The following RHBDD1 variants were observed in gnomAD, a reference collection of about 807,000 sequenced individuals.
RHBDD1 encodes the protein rhomboid domain containing 1.
A neutral mutation model predicts 36.3 loss-of-function variants in RHBDD1; 38 were observed. The observed-to-expected ratio is 1.05, with a 90% CI of 0.81 to 1.37. The LOEUF is 1.37. Among genes scored for constraint, RHBDD1 ranks in the 40% most tolerant of loss-of-function variants. The probability of loss-of-function intolerance (pLI) is 0.00; values close to 1 mark genes in which losing one functional copy is unlikely to be tolerated. For missense variants in RHBDD1, 393 were observed against 377.6 expected, an observed-to-expected ratio of 1.04 and a Z score of -0.34; for synonymous variants, 151 against 136.5, an observed-to-expected ratio of 1.11 and a Z score of -0.74.
intron 3 of RHBDD1, among the ~76,000 whole-genome samples, chr2:226,851,523 A>G (rs923299785): frequency 6.6e-6 from 1 of 151,972 alleles, no homozygotes; most frequent in Non-Finnish European, 1.5e-5. Flanking sequence ...TGGAAGCGTC[A>G]CCTCTCTGGG....
chr2:226,874,884 G>T (rs573388173), intron 5 of RHBDD1, among the ~76,000 whole-genome samples: 7 of 152,130 alleles, frequency 4.6e-5, no homozygotes, highest in African/African-American at 1.7e-4. Context: ...GTGCGTGTGC[G>T]CCTCTCTTCC....
chr2:226,894,172 T>C (rs1174216817), intron 5 of RHBDD1, among the ~76,000 whole-genome samples: 3 of 152,214 alleles, frequency 2.0e-5, no homozygotes, highest in East Asian at 1.9e-4. Context: ...GCATTCGTTA[T>C]TCCCATATTT....
At chr2:226,847,347 T>G (rs1331854844) in intron 3 of RHBDD1, among the ~76,000 whole-genome samples, 1 of 152,238 alleles carries the variant, frequency 6.6e-6, no homozygotes. Context: ...ATACCTTTCT[T>G]TCATCCACTT....
At chr2:226,912,683 G>A (rs1948603005) in intron 7 of RHBDD1, among the ~76,000 whole-genome samples, 1 of 152,074 alleles carries the variant, frequency 6.6e-6, no homozygotes, top group African/African-American at 2.4e-5. Context: ...GTAGATTAGT[G>A]CTTACTTAGA....
chr2:226,967,495 T>G (rs1019253531), intron 8 of RHBDD1, among the ~76,000 whole-genome samples: 11 of 151,888 alleles, frequency 7.2e-5, no homozygotes, highest in African/African-American at 2.7e-4. Flanking sequence ...TAACTCGTCA[T>G]TTAACATTAG....
At chr2:226,912,491 G>A (rs920647868) in intron 7 of RHBDD1, among the ~76,000 whole-genome samples, 1 of 152,072 alleles carries the variant, frequency 6.6e-6, no homozygotes, top group Non-Finnish European at 1.5e-5. Flanking sequence ...ACAAAATGTG[G>A]TATAAGCCAT....
At chr2:226,840,884 GT>G (rs954615541) in intron 3 of RHBDD1, among the ~76,000 whole-genome samples, 12 of 148,140 alleles carry the variant, frequency 8.1e-5, no homozygotes, top group African/African-American at 2.0e-4. Flanking sequence ...TATAATTTGG[GT>G]TTTTTTTTTC....
chr2:226,828,041 T>C, the RHBDD1 span, among the ~76,000 whole-genome samples: 1 of 152,212 alleles, frequency 6.6e-6, no homozygotes, highest in African/African-American at 2.4e-5. Context: ...GTTAATAAAT[T>C]TATAGGCAAC....
At chr2:226,863,214 C>T (rs1374147920) in intron 3 of RHBDD1, among the ~76,000 whole-genome samples, 1 of 152,160 alleles carries the variant, frequency 6.6e-6, no homozygotes, top group Non-Finnish European at 1.5e-5. Context: ...TGACACATGC[C>T]TGTAATCCCA....
Position 226,864,604 on chromosome 2 carries a change from G to A in RHBDD1, c.-90G>A, listed in dbSNP as rs1244822103. 4 of 1,023,542 alleles carry A rather than the reference G, an allele frequency of 3.9e-6. No homozygotes were observed. The highest frequency in any genetic ancestry group is 1.6e-5 in the African/African-American group (1 of 62,162). 63.4% of individuals were successfully genotyped at this position (1,023,542 alleles called of 1,614,324 possible). ...TTTTCACATGCATTTTGTGTTTTAGGTTCAGCCGTCTGTATATCTCCCCAG... is the reference window on the plus strand; with the variant it reads ...TTTTCACATGCATTTTGTGTTTTAGATTCAGCCGTCTGTATATCTCCCCAG... On this transcript the variant is annotated splice_region_variant and 5_prime_UTR_variant, in exon 4 of 9. Transcript: ENST00000392062.
chr2:226,901,188 A>T (rs1193384008), intron 5 of RHBDD1, among the ~76,000 whole-genome samples: 1 of 152,152 alleles, frequency 6.6e-6, no homozygotes, highest in African/African-American at 2.4e-5. Context: ...GTTGTCTTAA[A>T]TGGCAGGATT....
intron 3 of RHBDD1, among the ~76,000 whole-genome samples, chr2:226,841,228 G>GC (rs1941594535): frequency 6.6e-6 from 1 of 152,048 alleles, no homozygotes; most frequent in South Asian, 2.1e-4. Context: ...GACCTCCTGG[G>GC]CTCAGTTGAT....
chr2:226,864,858 T>C lies in RHBDD1; in HGVS notation c.165T>C (p.Ser55=), dbSNP rs199524639. 6.2e-7 allele frequency: 1 copy of C among 1,614,192 alleles called. No individual in the cohort carries two copies. Among genetic ancestry groups the C allele is most frequent in the Non-Finnish European group, 8.5e-7 (1 of 1,180,034 alleles). ...AGCCACTGTATAGCTCCTGCCTTAGTGTGGAGAAGTGTTACCAGCAAAAAG... is the reference window on the plus strand; with the variant it reads ...AGCCACTGTATAGCTCCTGCCTTAGCGTGGAGAAGTGTTACCAGCAAAAAG... ...PQKPLYSSCL[S]VEKCYQQKDW... is the part of the protein sequence containing the mutation. Residue 55 remains serine, a synonymous_variant, in exon 4 of 9, where the codon AGT becomes AGC. Coordinates refer to ENST00000392062, the MANE Select transcript of RHBDD1 (RefSeq NM_001167608.3).
At chr2:226,899,346 A>C (rs1035338363) in intron 5 of RHBDD1, among the ~76,000 whole-genome samples, 1 of 152,186 alleles carries the variant, frequency 6.6e-6, no homozygotes, top group Admixed American at 6.5e-5. Flanking sequence ...CATATAAATA[A>C]TGTATAGCAA....
chr2:226,908,581 C>CTA (rs1171689861), intron 6 of RHBDD1: 26 of 391,350 alleles, frequency 6.6e-5, no homozygotes, highest in Non-Finnish European at 7.1e-5. Flanking sequence ...TCATTTTCCA[C>CTA]TACACACACA....
chr2:226,896,253 T>C (rs1305318529), intron 5 of RHBDD1, among the ~76,000 whole-genome samples: 1 of 152,226 alleles, frequency 6.6e-6, no homozygotes, highest in East Asian at 1.9e-4. Flanking sequence ...AGTTCTTGCA[T>C]TGTCTCTCAC....
chr2:226,992,681 A>G (rs1317156039), intron 8 of RHBDD1, among the ~76,000 whole-genome samples: 2 of 152,220 alleles, frequency 1.3e-5, no homozygotes, highest in Non-Finnish European at 2.9e-5. Context: ...CTGTTTTCAG[A>G]TAGCAGTGAG....
chr2:226,958,521 C>T (rs925739695), intron 8 of RHBDD1, among the ~76,000 whole-genome samples: 1 of 152,072 alleles, frequency 6.6e-6, no homozygotes, highest in Non-Finnish European at 1.5e-5. Flanking sequence ...ATTGTCCACT[C>T]TAAGTAGGCG....
At chr2:226,935,624 T>A (rs766539264) in intron 8 of RHBDD1, among the ~76,000 whole-genome samples, 1 of 132,426 alleles carries the variant, frequency 7.6e-6, no homozygotes, top group Non-Finnish European at 1.6e-5. Context: ...TCTGATCAGA[T>A]CTCAGTTTTA....
Sources: gnomAD v4.1 joint callset for allele counts (sites outside exome capture counted in the v4.1 genomes callset) on GRCh38, gnomAD v4.1.1 for gene constraint, MANE v1.5 for transcripts, NCBI Gene and HGNC (gene_info 2026-07-23, HGNC 2026-07-21) for gene names.